FGF12: variants seen among roughly 807,000 people sequenced by gnomAD.
FGF12 encodes fibroblast growth factor 12B.
FGF12 carries 14 observed loss-of-function variants against 23.6 expected under a neutral mutation model. The observed-to-expected ratio is 0.59, with a 90% CI of 0.39 to 0.93. The LOEUF is 0.93. FGF12 is among the 40% of genes least tolerant of loss of function. The pLI is 0.00. For synonymous variants in FGF12, 62 were observed against 77.3 expected, an observed-to-expected ratio of 0.80 and a Z score of 1.04; for missense variants, 175 against 217.8, an observed-to-expected ratio of 0.80 and a Z score of 1.24.
chr3:192,374,996 G>A (rs531989383), intron 2 of FGF12, among the ~76,000 whole-genome samples: 1 of 152,090 alleles, frequency 6.6e-6, no homozygotes, highest in Non-Finnish European at 1.5e-5. Context: ...GAATTTGGGA[G>A]GTAGCCTTCC....
At chr3:192,427,373 C>T (rs1226202986) in intron 2 of FGF12, among the ~76,000 whole-genome samples, 4 of 118,122 alleles carry the variant, frequency 3.4e-5, no homozygotes, top group South Asian at 2.9e-4. Context: ...AGCAGGACTC[C>T]GTCTCTGAAA....
intron 4 of FGF12, among the ~76,000 whole-genome samples, chr3:192,274,483 C>T (rs1032154248): frequency 6.6e-6 from 1 of 151,986 alleles, no homozygotes; most frequent in Non-Finnish European, 1.5e-5. Flanking sequence ...AAAATAGGAA[C>T]GTGGTCACAC....
chr3:192,382,908 G>A (rs1719879999), intron 2 of FGF12, among the ~76,000 whole-genome samples: 1 of 152,208 alleles, frequency 6.6e-6, no homozygotes, highest in Non-Finnish European at 1.5e-5. Flanking sequence ...AGTAGAGACT[G>A]ATAACGAGAG....
intron 2 of FGF12, among the ~76,000 whole-genome samples, chr3:192,570,872 T>C (rs1370402730): frequency 6.6e-6 from 1 of 152,196 alleles, no homozygotes; most frequent in East Asian, 1.9e-4. Flanking sequence ...ACATCCCTTT[T>C]TAATAACTAT....
chr3:192,589,640 T>A lies in FGF12; in HGVS notation c.13+137541A>T, dbSNP rs1005826938. Among the ~76,000 whole-genome samples the A allele has an allele frequency of 1.3e-5, 2 of 151,688 alleles. 1 individual carries two copies. The highest frequency in any genetic ancestry group is 2.9e-5 in the Non-Finnish European group (2 of 67,890). On this transcript the variant is annotated intron_variant, in intron 2 of 5. Coordinates refer to ENST00000445105, the MANE Select transcript of FGF12 (RefSeq NM_004113.6). ...TAAGTCACACTGAAACCCTATAGGA[T>A]TCATGGGATGGAGGGAGGAAATGGA...
At position 192,705,836 on chromosome 3, in the gene FGF12, G is replaced by A. The variant is rs973968246; in HGVS notation, c.13+21345C>T. On this transcript the variant is annotated intron_variant, in intron 2 of 5. Transcript: ENST00000445105. ...CATCCCTGTATAATTTTTAAGCCAT[G>A]TTGCTTTCTACACTAGATCAACCAT... 2.6e-5 allele frequency among the ~76,000 whole-genome samples: 4 copies of A among 152,140 alleles called. No individual in the cohort carries two copies. The South Asian group carries it at 6.2e-4, about 24-fold the overall frequency.
At chr3:192,265,352 T>C (rs1175784343) in intron 4 of FGF12, 1 of 152,154 alleles carries the variant, frequency 6.6e-6, no homozygotes, top group African/African-American at 2.4e-5. Flanking sequence ...GGCAGTGCTA[T>C]TCAGATGGAC....
chr3:192,518,086 A>T (rs1724724633), intron 2 of FGF12, among the ~76,000 whole-genome samples: 1 of 152,104 alleles, frequency 6.6e-6, no homozygotes, highest in African/African-American at 2.4e-5. Context: ...CAAACTCAAA[A>T]TTTTACTGGC....
At chr3:192,506,352 T>A (rs1724294735) in intron 2 of FGF12, among the ~76,000 whole-genome samples, 1 of 152,208 alleles carries the variant, frequency 6.6e-6, no homozygotes, top group Non-Finnish European at 1.5e-5. Flanking sequence ...TTATTCTTTT[T>A]TTGTTTTTTG....
intron 5 of FGF12, among the ~76,000 whole-genome samples, chr3:192,157,312 G>C (rs1342570061): frequency 6.6e-6 from 1 of 152,126 alleles, no homozygotes; most frequent in Non-Finnish European, 1.5e-5. Context: ...GCAACACTTG[G>C]TCAGAACAGG....
At chr3:192,478,534 T>C (rs959001636) in intron 2 of FGF12, among the ~76,000 whole-genome samples, 6 of 152,184 alleles carry the variant, frequency 3.9e-5, no homozygotes, top group African/African-American at 1.4e-4. Context: ...TTTTGTTTTA[T>C]AATATCTAAG....
chr3:192,331,219 T>C (rs912444234), intron 4 of FGF12, among the ~76,000 whole-genome samples: 2 of 149,910 alleles, frequency 1.3e-5, no homozygotes, highest in Non-Finnish European at 3.0e-5. Flanking sequence ...TATCAAGTGT[T>C]AGCAAGGATG....
chr3:192,703,989 G>A (rs555397915), intron 2 of FGF12, among the ~76,000 whole-genome samples: 2 of 152,252 alleles, frequency 1.3e-5, no homozygotes, highest in Non-Finnish European at 2.9e-5. Flanking sequence ...ATAGACATAA[G>A]CCAAAGTCTT....
chr3:192,503,601 G>GT (rs1724198240), intron 2 of FGF12, among the ~76,000 whole-genome samples: 1 of 100,564 alleles, frequency 9.9e-6, no homozygotes, highest in African/African-American at 3.8e-5. Flanking sequence ...GTGTGTGTGT[G>GT]TGTTTTTTTT....
intron 3 of FGF12, among the ~76,000 whole-genome samples, chr3:192,359,391 T>C (rs1718618584): frequency 1.3e-5 from 2 of 152,194 alleles, no homozygotes; most frequent in South Asian, 4.1e-4. Context: ...AATTACTTTA[T>C]GCAGTTTGGT....
chr3:192,259,498 G>C (rs985505076), intron 4 of FGF12, among the ~76,000 whole-genome samples: 2 of 152,194 alleles, frequency 1.3e-5, no homozygotes, highest in African/African-American at 4.8e-5. Context: ...ATTGGAACAA[G>C]GAAAGTCTAA....
rs114575174 is a variant in FGF12, at chr3:192,222,733, C to T, written c.229-52077G>A. 6.6e-3 allele frequency among the ~76,000 whole-genome samples: 1,009 copies of T among 152,168 alleles called. 4 individuals carry two copies. The highest frequency in any genetic ancestry group is 0.023 in the African/African-American group (966 of 41,504). ...TACTGACTGATATCTATCAAGTTAA[C>T]CCGATACAACAGGCTGGGGAATGGT... is the stretch of plus-strand genomic sequence containing the variant. On this transcript the variant is annotated intron_variant, in intron 4 of 5. Coordinates refer to ENST00000445105, the MANE Select transcript of FGF12 (RefSeq NM_004113.6).
chr3:192,272,010 G>A (rs980124866), intron 4 of FGF12, among the ~76,000 whole-genome samples: 3 of 152,006 alleles, frequency 2.0e-5, no homozygotes, highest in Non-Finnish European at 2.9e-5. Context: ...CCAGTTCTAG[G>A]GTTTTCTGGG....
At chr3:192,301,386 C>T (rs1436289816) in intron 4 of FGF12, among the ~76,000 whole-genome samples, 3 of 152,218 alleles carry the variant, frequency 2.0e-5, no homozygotes, top group African/African-American at 7.2e-5. Flanking sequence ...TGTTTAGTTA[C>T]TCAATTCATC....
Sources: gnomAD v4.1 joint callset for allele counts (sites outside exome capture counted in the v4.1 genomes callset) on GRCh38, gnomAD v4.1.1 for gene constraint, MANE v1.5 for transcripts, NCBI Gene and HGNC (gene_info 2026-07-23, HGNC 2026-07-21) for gene names.